WWC2: variants seen among roughly 807,000 people sequenced by gnomAD.
The protein encoded by WWC2 is WW and C2 domain containing 2.
WWC2 carries 101 observed loss-of-function variants against 138.5 expected under a neutral mutation model. That is an observed-to-expected ratio of 0.73 (90% CI 0.62 to 0.86). The LOEUF (loss-of-function observed/expected upper bound fraction) is 0.86. WWC2 is among the 40% of genes least tolerant of loss of function. WWC2 has a pLI of 0.00. For synonymous variants in WWC2, 558 were observed against 538.4 expected, an observed-to-expected ratio of 1.04 and a Z score of -0.50; for missense variants, 1,420 against 1,419.4, an observed-to-expected ratio of 1.00 and a Z score of -0.01.
At position 183,207,961 on chromosome 4, in the gene WWC2, C is replaced by CA; in HGVS notation, c.251dup (p.Ile85AspfsTer47). The stretch of plus-strand genomic sequence containing the variant: ...CCACCTAATGTTTTCAGAAACCACG[C>CA]AGATAGAAGATCCAAGAAAACAATG... On this transcript the variant is annotated frameshift_variant, in exon 3 of 23. Transcript: ENST00000403733. LOFTEE classifies it high-confidence loss of function. 1 of 1,607,522 alleles carries CA rather than the reference C, an allele frequency of 6.2e-7. No homozygotes were observed. Among genetic ancestry groups the CA allele is most frequent in the African/African-American group, 1.3e-5 (1 of 74,726 alleles).
Position 183,099,292 on chromosome 4 carries a change from A to G in WWC2, c.-200A>G. The G allele has an allele frequency of 3.0e-6, 1 of 336,718 alleles. No homozygotes were observed. Among genetic ancestry groups the G allele is most frequent in the Non-Finnish European group, 4.7e-6 (1 of 211,592 alleles). The allele number at this position is 336,718 out of a possible 1,614,324, so 20.9% of individuals were successfully genotyped here. ...GCCGGCTCCGACGCAGACATGGTGG[A>G]CTGATCCGCAGCGGGGCCGCGAACA... On this transcript the variant is annotated 5_prime_UTR_variant, in exon 1 of 23. Coordinates refer to ENST00000403733, the MANE Select transcript of WWC2 (RefSeq NM_024949.6).
chr4:183,269,395 T>C, intron 15 of WWC2: 1 of 665,024 alleles, frequency 1.5e-6, no homozygotes, highest in Non-Finnish European at 2.8e-6. Flanking sequence ...AAAGTTGCTT[T>C]CTATTTCTAC....
At position 183,268,068 on chromosome 4, in the gene WWC2, T is replaced by C. The variant is rs576111527; in HGVS notation, c.2208-903T>C. On this transcript the variant is annotated intron_variant, in intron 14 of 22. Coordinates refer to ENST00000403733, the MANE Select transcript of WWC2 (RefSeq NM_024949.6). ...TTCAGGCCCACTAGGTTTTCATTGC[T>C]GAATCTCCATAATTAATATTGATAT... Among the ~76,000 whole-genome samples, 16 of 152,328 alleles carry C rather than the reference T, an allele frequency of 1.1e-4. No individual in the cohort carries two copies. The South Asian group carries it at 2.7e-3, about 26-fold the overall frequency.
chr4:183,279,605 C>G (rs1313190121), intron 16 of WWC2, among the ~76,000 whole-genome samples: 1 of 152,002 alleles, frequency 6.6e-6, no homozygotes, highest in African/African-American at 2.4e-5. Flanking sequence ...CCATCTGGTC[C>G]TGGACTCTTT....
At chr4:183,271,730 G>A (rs117767534) in intron 16 of WWC2, among the ~76,000 whole-genome samples, 7,357 of 152,264 alleles carry the variant, frequency 0.048, 224 homozygotes, top group South Asian at 0.079. Context: ...AAGGCCAGGC[G>A]TGGTGGCTCA....
intron 14 of WWC2, among the ~76,000 whole-genome samples, chr4:183,268,741 G>A (rs919612493): frequency 6.6e-6 from 1 of 152,146 alleles, no homozygotes; most frequent in Non-Finnish European, 1.5e-5. Context: ...CAGTCTCGTG[G>A]TGAGTGGAGG....
chr4:183,277,524 T>C lies in WWC2; in HGVS notation c.2563-3252T>C, dbSNP rs1737901467. Among the ~76,000 whole-genome samples the C allele has an allele frequency of 2.0e-5, 3 of 149,922 alleles. No individual in the cohort carries two copies. The South Asian group carries it at 6.4e-4, about 32-fold the overall frequency. On this transcript the variant is annotated intron_variant, in intron 16 of 22. Coordinates refer to ENST00000403733, the MANE Select transcript of WWC2 (RefSeq NM_024949.6). The stretch of plus-strand genomic sequence containing the variant: ...AATGGGATGGCTGGGTCAAATGGTA[T>C]TTCCAGTTCTAGATCCCTGAGGAAT...
intron 18 of WWC2, among the ~76,000 whole-genome samples, 159 bp downstream of exon 18, chr4:183,283,065 T>A (rs1401145931): frequency 6.6e-6 from 1 of 152,208 alleles, no homozygotes; most frequent in East Asian, 1.9e-4. Flanking sequence ...CTAAGAAGCA[T>A]CATAAATGCT....
rs1739578956 is a variant in WWC2, at chr4:183,319,867, G to A, written c.*4138G>A. ...GACAGAATTCCTCCCAGGATCAGCAGTCGCCTCTTGAGATCTCTCTGACTC... is the reference window on the plus strand; with the variant it reads ...GACAGAATTCCTCCCAGGATCAGCAATCGCCTCTTGAGATCTCTCTGACTC... On this transcript the variant is annotated 3_prime_UTR_variant, in exon 23 of 23. Coordinates refer to ENST00000403733, the MANE Select transcript of WWC2 (RefSeq NM_024949.6). 6.2e-7 allele frequency: 1 copy of A among 1,613,948 alleles called. No individual in the cohort carries two copies. The highest frequency in any genetic ancestry group is 1.3e-5 in the African/African-American group (1 of 75,022).
At chr4:183,312,929 A>G (rs897659427) in intron 22 of WWC2, among the ~76,000 whole-genome samples, 1 of 152,148 alleles carries the variant, frequency 6.6e-6, no homozygotes, top group Admixed American at 6.5e-5. Context: ...TAACCAGGTC[A>G]TTGCAGTGCA....
intron 1 of WWC2, among the ~76,000 whole-genome samples, chr4:183,162,886 A>G (rs917525429): frequency 6.6e-6 from 1 of 151,984 alleles, no homozygotes; most frequent in Non-Finnish European, 1.5e-5. Context: ...GCCTTTTCTA[A>G]TGTATTCATC....
chr4:183,262,775 T>C (rs763417530), intron 11 of WWC2, among the ~76,000 whole-genome samples: 1 of 152,042 alleles, frequency 6.6e-6, no homozygotes, highest in Non-Finnish European at 1.5e-5. Context: ...GTACGGTGTG[T>C]GTGCGTGCGT....
chr4:183,211,369 G>A (rs1364288774), intron 4 of WWC2, among the ~76,000 whole-genome samples: 2 of 152,110 alleles, frequency 1.3e-5, no homozygotes, highest in African/African-American at 4.8e-5. Context: ...TTTTTCAATT[G>A]TTTCTAGTTA....
chr4:183,159,726 TTTTAA>T (rs1561441573), intron 1 of WWC2, among the ~76,000 whole-genome samples: 3 of 124,720 alleles, frequency 2.4e-5, no homozygotes, highest in African/African-American at 9.3e-5. Context: ...TTTTTTTTTT[TTTTAA>T]AAAAAAAAAA....
intron 21 of WWC2, among the ~76,000 whole-genome samples, chr4:183,302,722 G>T (rs1580166771): frequency 1.3e-5 from 2 of 152,134 alleles, no homozygotes; most frequent in Non-Finnish European, 2.9e-5. Context: ...TCACATATTT[G>T]TAAGACCCCA....
chr4:183,268,293 T>C (rs1038170797), intron 14 of WWC2, among the ~76,000 whole-genome samples: 4 of 152,212 alleles, frequency 2.6e-5, no homozygotes, highest in African/African-American at 9.6e-5. Flanking sequence ...TCATACAATG[T>C]GTGCTCAGAA....
intron 17 of WWC2, chr4:183,281,126 A>C: frequency 1.9e-6 from 1 of 533,846 alleles, no homozygotes; most frequent in Non-Finnish European, 3.0e-6. Flanking sequence ...TCTTGTTTCG[A>C]GTAATTTTAA....
chr4:183,154,026 A>AAAACAAAAAAAC lies in WWC2; in HGVS notation c.132-39571_132-39570insACAAAAAAACAA, dbSNP rs1561438959. ...GCAAAAAAAAAAAAAAAAAAAAAAA[A>AAAACAAAAAAAC]AACCCCAAATCTAATTCATCATTTA... On this transcript the variant is annotated intron_variant, in intron 1 of 22. Coordinates refer to ENST00000403733, the MANE Select transcript of WWC2 (RefSeq NM_024949.6). Among the ~76,000 whole-genome samples, 79 of 145,636 alleles carry AAAACAAAAAAAC rather than the reference A, an allele frequency of 5.4e-4. 1 individual carries two copies. The highest frequency in any genetic ancestry group is 3.5e-3 in the Middle Eastern group (1 of 284).
intron 21 of WWC2, among the ~76,000 whole-genome samples, chr4:183,292,401 A>G (rs1026453281): frequency 2.0e-5 from 3 of 152,034 alleles, no homozygotes; most frequent in African/African-American, 7.2e-5. Flanking sequence ...AGTCTTGGCT[A>G]TTCTGGTGAC....
Sources: allele counts gnomAD v4.1 joint callset (sites outside exome capture counted in the v4.1 genomes callset), GRCh38; gene constraint gnomAD v4.1.1; transcripts MANE v1.5; gene names NCBI Gene and HGNC (gene_info 2026-07-23, HGNC 2026-07-21).